Variants in CPXM2 observed in about 807,000 individuals in gnomAD.
The protein encoded by CPXM2 is carboxypeptidase X, M14 family member 2, also known as inactive carboxypeptidase-like protein X2.
CPXM2 carries 66 observed loss-of-function variants against 86.1 expected under a neutral mutation model. That is an observed-to-expected ratio of 0.77 (90% CI 0.63 to 0.94). CPXM2 has a LOEUF of 0.94. CPXM2 is among the 40% of genes least tolerant of loss of function. CPXM2 has a pLI of 0.00. For missense variants in CPXM2, 948 were observed against 1,026.3 expected (o/e 0.92, Z 1.04); for synonymous variants, 388 against 400.2 (o/e 0.97, Z 0.36).
chr10:123,818,417 G>A (rs966760190), intron 4 of CPXM2, among the ~76,000 whole-genome samples: 1 of 152,174 alleles, frequency 6.6e-6, no homozygotes, highest in African/African-American at 2.4e-5. Context: ...ATTCCTCAGG[G>A]TGATCAGCCA....
intron 4 of CPXM2, among the ~76,000 whole-genome samples, chr10:123,811,135 T>TTTG (rs1847681761): frequency 1.3e-5 from 2 of 150,798 alleles, no homozygotes; most frequent in Admixed American, 6.6e-5. Flanking sequence ...AAAATCATTT[T>TTTG]TTTTTTTCTT....
chr10:123,871,080 G>T (rs1331051524), intron 2 of CPXM2, among the ~76,000 whole-genome samples: 7 of 152,202 alleles, frequency 4.6e-5, no homozygotes, highest in African/African-American at 1.7e-4. Context: ...CGGAGCCTCA[G>T]CCTCAAAGGT....
At chr10:123,884,693 T>C (rs1945152545) in intron 1 of CPXM2, among the ~76,000 whole-genome samples, 1 of 152,140 alleles carries the variant, frequency 6.6e-6, no homozygotes, top group South Asian at 2.1e-4. Context: ...AATCAAACAA[T>C]CCATCAAAAT....
At chr10:123,856,072 C>G (rs922124411) in intron 3 of CPXM2, among the ~76,000 whole-genome samples, 4 of 152,170 alleles carry the variant, frequency 2.6e-5, no homozygotes, top group African/African-American at 9.7e-5. Context: ...CTACGTTTTT[C>G]CTTGTGACCT....
intron 4 of CPXM2, among the ~76,000 whole-genome samples, chr10:123,799,907 T>C (rs1187355125): frequency 3.3e-5 from 5 of 152,154 alleles, no homozygotes; most frequent in Non-Finnish European, 7.3e-5. Flanking sequence ...CATCTTTTTT[T>C]CTCTCTGCCT....
chr10:123,832,210 T>C (rs939487702), intron 4 of CPXM2, among the ~76,000 whole-genome samples: 11 of 152,190 alleles, frequency 7.2e-5, no homozygotes, highest in Non-Finnish European at 1.3e-4. Context: ...CTAAAGGTCA[T>C]GAGGCCCCAG....
intron 3 of CPXM2, among the ~76,000 whole-genome samples, chr10:123,849,236 AG>A (rs1324209833): frequency 6.6e-6 from 1 of 152,122 alleles, no homozygotes; most frequent in East Asian, 1.9e-4. Flanking sequence ...AATGCTAATG[AG>A]CTGTACCTTT....
chr10:123,856,874 G>A (rs552369349), intron 3 of CPXM2, among the ~76,000 whole-genome samples: 180 of 152,332 alleles, frequency 1.2e-3, no homozygotes, highest in African/African-American at 4.1e-3. Context: ...TTACAGGCAT[G>A]AGCCACCGCA....
At chr10:123,896,699 T>C (rs2134256985), upstream of CPXM2, among the ~76,000 whole-genome samples, 1 of 152,288 alleles carries the variant, frequency 6.6e-6, no homozygotes, top group Non-Finnish European at 1.5e-5. Context: ...TTGTAAACAG[T>C]AAGATGCTGT....
intron 6 of CPXM2, among the ~76,000 whole-genome samples, chr10:123,790,409 G>A (rs1453231568): frequency 6.6e-6 from 1 of 152,074 alleles, no homozygotes; most frequent in Non-Finnish European, 1.5e-5. Flanking sequence ...GGTGACCAGG[G>A]GAACAGATGT....
intron 3 of CPXM2, among the ~76,000 whole-genome samples, chr10:123,861,952 G>A (rs1398189521): frequency 6.6e-6 from 1 of 152,238 alleles, no homozygotes; most frequent in Non-Finnish European, 1.5e-5. Flanking sequence ...AGGGGAACCT[G>A]CTACAGAAAG....
At chr10:123,814,770 TC>T (rs1355846485) in intron 4 of CPXM2, among the ~76,000 whole-genome samples, 1 of 152,164 alleles carries the variant, frequency 6.6e-6, no homozygotes, top group Non-Finnish European at 1.5e-5. Context: ...ATGCCTGTAA[TC>T]CCAGCAATTT....
rs1230913235 is a variant in CPXM2 at position 123,762,169 on chromosome 10, C to A, written c.1480G>T (p.Val494Leu). ...ATGACTGCTCTGGTCTCGGCAGCCA[C>A]CTGTGAACATCCCAAATGGACGAGT... ...PEWFLSENAT[V>L]AAETRAVIAW... The change falls in exon 11 of 14, where the codon GTG (valine) becomes TTG (leucine). Residue 494 changes from valine to leucine, a missense_variant and splice_region_variant. Transcript: ENST00000241305. The A allele has an allele frequency of 1.2e-6, 2 of 1,614,132 alleles. No homozygotes were observed. Among genetic ancestry groups the A allele is most frequent in the Non-Finnish European group, 1.7e-6 (2 of 1,180,040 alleles).
At chr10:123,807,683 C>G (rs1281674434) in intron 4 of CPXM2, among the ~76,000 whole-genome samples, 1 of 152,158 alleles carries the variant, frequency 6.6e-6, no homozygotes, top group African/African-American at 2.4e-5. Context: ...GGAGGAGGGG[C>G]AGGTTCGTGA....
chr10:123,775,679 A>G (rs1459095820), intron 7 of CPXM2, among the ~76,000 whole-genome samples: 3 of 152,250 alleles, frequency 2.0e-5, no homozygotes, highest in African/African-American at 4.8e-5. Flanking sequence ...GTATTGGTTA[A>G]CAAAGTGCAT....
chr10:123,883,270 G>C (rs1945123861), intron 1 of CPXM2, among the ~76,000 whole-genome samples: 1 of 152,254 alleles, frequency 6.6e-6, no homozygotes, highest in Non-Finnish European at 1.5e-5. Context: ...ATGGGGCTGA[G>C]ACAGCAGGCA....
chr10:123,854,384 T>TATATAAA (rs1848668981), intron 3 of CPXM2, among the ~76,000 whole-genome samples: 1 of 118,666 alleles, frequency 8.4e-6, no homozygotes, highest in Non-Finnish European at 1.6e-5. Flanking sequence ...AATATATATA[T>TATATAAA]AATATATATA....
rs1257124202 is a variant in CPXM2, at chr10:123,752,268, A to T, written c.2017+2395T>A. 3.0e-6 allele frequency: 3 copies of T among 985,426 alleles called. No homozygotes were observed. In the African/African-American group the frequency reaches 5.2e-5, roughly 17 times the overall value. 61.0% of individuals were successfully genotyped at this position (985,426 alleles called of 1,614,324 possible). ...AGTGAATAAATATATGAAAAAAATG[A>T]ACACCTATGAGGGGCTACTACGTAC... On this transcript the variant is annotated intron_variant, in intron 13 of 13. Coordinates refer to ENST00000241305, the MANE Select transcript of CPXM2 (RefSeq NM_198148.3).
intron 3 of CPXM2, among the ~76,000 whole-genome samples, chr10:123,852,589 C>T (rs555982068): frequency 3.1e-4 from 47 of 152,342 alleles, no homozygotes; most frequent in Non-Finnish European, 5.3e-4. Flanking sequence ...CCAGAACTTT[C>T]CAGGGCTCCC....
Sources: gnomAD v4.1 joint callset for allele counts (sites outside exome capture counted in the v4.1 genomes callset) on GRCh38, gnomAD v4.1.1 for gene constraint, MANE v1.5 for transcripts, NCBI Gene and HGNC (gene_info 2026-07-23, HGNC 2026-07-21) for gene names.